ZNF710: variants seen among roughly 807,000 people sequenced by gnomAD.
ZNF710 encodes zinc finger protein 710.
A neutral mutation model predicts 50.6 loss-of-function variants in ZNF710; 13 were observed. The ratio of observed to expected loss-of-function variants is 0.26; its 90% confidence interval spans 0.17 to 0.41. ZNF710 has a LOEUF of 0.41. Among genes scored for constraint, ZNF710 ranks in the 10% least tolerant of loss-of-function variants. ZNF710 has a pLI of 1.00. For synonymous variants in ZNF710, 383 were observed against 397.0 expected (o/e 0.96, Z 0.42); for missense variants, 721 against 936.6 (o/e 0.77, Z 3.01).
rs149483612 is a variant in ZNF710 at position 90,077,941 on chromosome 15, C to T, written c.1826-1719C>T. Reference sequence around the variant, plus strand: ...AAAGAAATGGGGCCAGGCGCAGTGGCTCACGCCTGTAATCCCAGCACTTTG... The same window carrying T: ...AAAGAAATGGGGCCAGGCGCAGTGGTTCACGCCTGTAATCCCAGCACTTTG... On this transcript the variant is annotated intron_variant, in intron 4 of 4. Transcript: ENST00000268154. Among the ~76,000 whole-genome samples, 701 of 151,868 alleles carry T rather than the reference C, an allele frequency of 4.6e-3. 2 individuals carry two copies. Among genetic ancestry groups the T allele is most frequent in the African/African-American group, 0.016 (643 of 41,430 alleles).
In ZNF710 at chr15:90,067,891, A is replaced by G. The variant is rs569362588; in HGVS notation, c.754A>G (p.Ser252Gly). ...ACAGGGCTTCGTGTGGCAGGAGGCCAGTGAGTTCGAGGCTGACACGGCGGG... is the reference window on the plus strand; with the variant it reads ...ACAGGGCTTCGTGTGGCAGGAGGCCGGTGAGTTCGAGGCTGACACGGCGGG... ...PEQGFVWQEA[S>G]EFEADTAGST... is the part of the protein sequence containing the mutation. Residue 252 changes from serine to glycine, a missense_variant, in exon 2 of 5, where the codon AGT becomes GGT. Transcript: ENST00000268154. The surrounding 1 kb of genome is among the most constrained non-coding windows in gnomAD (Gnocchi z 8.1). 5.5e-5 allele frequency: 89 copies of G among 1,612,226 alleles called. 1 individual carries two copies. In the South Asian group the frequency reaches 8.2e-4, roughly 15 times the overall value.
intron 1 of ZNF710, among the ~76,000 whole-genome samples, chr15:90,063,970 G>A (rs960502514): frequency 1.6e-4 from 25 of 152,198 alleles, no homozygotes; most frequent in African/African-American, 5.1e-4. Context: ...GATGTCACAC[G>A]GCTAGTAGAC....
upstream of ZNF710, among the ~76,000 whole-genome samples, chr15:90,000,913 C>A (rs1001569435): frequency 6.6e-6 from 1 of 151,984 alleles, no homozygotes; most frequent in African/African-American, 2.4e-5. Context: ...CAGGGCCGGG[C>A]CCCCCATTTC....
At chr15:90,077,039 G>A (rs1459511120) in intron 4 of ZNF710, among the ~76,000 whole-genome samples, 1 of 152,132 alleles carries the variant, frequency 6.6e-6, no homozygotes, top group East Asian at 1.9e-4. Context: ...CAGGCTTGAT[G>A]CGTATGCAGA....
Position 90,034,591 on chromosome 15 carries a change from G to A in ZNF710, c.-28-32519G>A, listed in dbSNP as rs1899058482. 6.6e-6 allele frequency among the ~76,000 whole-genome samples: 1 copy of A among 151,990 alleles called. No homozygotes were observed. The highest frequency in any genetic ancestry group is 1.5e-5 in the Non-Finnish European group (1 of 67,978). ...CCTGGAGGGCCCTCCCTAGCAGCAG[G>A]GGAAGCCTGGCAGCTTGGCTGAGCC... On this transcript the variant is annotated intron_variant, in intron 1 of 4. Transcript: ENST00000268154. This position sits in a 1 kb window ranked among gnomAD's most constrained non-coding sequence, Gnocchi z 4.0.
chr15:90,057,980 G>C (rs554077326), intron 1 of ZNF710, among the ~76,000 whole-genome samples: 1 of 152,276 alleles, frequency 6.6e-6, no homozygotes, highest in African/African-American at 2.4e-5. Flanking sequence ...AGGGTACTGT[G>C]ACCTCTTAGA....
intron 4 of ZNF710, among the ~76,000 whole-genome samples, chr15:90,078,188 G>C (rs1006873062): frequency 7.0e-6 from 1 of 142,094 alleles, no homozygotes; most frequent in Non-Finnish European, 1.5e-5. Context: ...TCCAGCCTGG[G>C]CAACAAGAGC....
chr15:90,015,971 A>G (rs1246844292), intron 1 of ZNF710, among the ~76,000 whole-genome samples: 3 of 152,336 alleles, frequency 2.0e-5, no homozygotes, highest in Non-Finnish European at 2.9e-5. Context: ...ACCAATGTAC[A>G]CTATGTACCA....
At chr15:90,032,245 G>A (rs542096736) in intron 1 of ZNF710, among the ~76,000 whole-genome samples, 1 of 152,030 alleles carries the variant, frequency 6.6e-6, no homozygotes, top group African/African-American at 2.4e-5. Flanking sequence ...TGATCCTCCC[G>A]CCTCGGTCTC....
chr15:90,050,752 C>T (rs752038603), intron 1 of ZNF710, among the ~76,000 whole-genome samples: 3 of 151,680 alleles, frequency 2.0e-5, no homozygotes, highest in African/African-American at 4.9e-5. Flanking sequence ...AAGAACATTC[C>T]TGATACCTTA....
At position 90,009,839 on chromosome 15, in the gene ZNF710, C is replaced by A. The variant is rs553108980; in HGVS notation, c.-29+8225C>A. 4.6e-5 allele frequency among the ~76,000 whole-genome samples: 7 copies of A among 152,232 alleles called. No homozygotes were observed. In the East Asian group the frequency reaches 1.2e-3, roughly 25 times the overall value. Reference sequence around the variant, plus strand: ...GGAGCGTTTCAGCCCAGCCCACTCTCACTCCAGCTGGCTCTCCTAGAGGTC... The same window carrying A: ...GGAGCGTTTCAGCCCAGCCCACTCTAACTCCAGCTGGCTCTCCTAGAGGTC... On this transcript the variant is annotated intron_variant, in intron 1 of 4. Coordinates refer to ENST00000268154, the MANE Select transcript of ZNF710 (RefSeq NM_198526.4).
intron 1 of ZNF710, among the ~76,000 whole-genome samples, chr15:90,026,168 T>A (rs1343934084): frequency 6.6e-6 from 1 of 151,590 alleles, no homozygotes; most frequent in Non-Finnish European, 1.5e-5. Context: ...AAGAGCTGAT[T>A]CTGTTTTTAA....
intron 1 of ZNF710, among the ~76,000 whole-genome samples, chr15:90,009,258 C>A (rs1295159765): frequency 6.6e-6 from 1 of 151,836 alleles, no homozygotes; most frequent in South Asian, 2.1e-4. Context: ...AGAATGTCCT[C>A]GCAAGGACCA....
At chr15:90,003,091 G>T (rs1185974874) in intron 1 of ZNF710, among the ~76,000 whole-genome samples, 4 of 152,158 alleles carry the variant, frequency 2.6e-5, no homozygotes, top group African/African-American at 9.7e-5. Context: ...GGCCAGGCTG[G>T]TCTCAAACTC....
intron 2 of ZNF710, among the ~76,000 whole-genome samples, chr15:90,070,412 C>T (rs1422675819): frequency 6.7e-6 from 1 of 149,610 alleles, no homozygotes; most frequent in Non-Finnish European, 1.5e-5. Context: ...CAATGGCTAA[C>T]AGTAATCCCA....
Position 90,034,578 on chromosome 15 carries a change from T to C in ZNF710, c.-28-32532T>C, listed in dbSNP as rs1208703697. 6.6e-6 allele frequency among the ~76,000 whole-genome samples: 1 copy of C among 151,882 alleles called. No homozygotes were observed. The highest frequency in any genetic ancestry group is 2.4e-5 in the African/African-American group (1 of 41,420). On this transcript the variant is annotated intron_variant, in intron 1 of 4. Transcript: ENST00000268154. This position sits in a 1 kb window ranked among gnomAD's most constrained non-coding sequence, Gnocchi z 4.0. ...GATTAACTCAGTTCCTGGAGGGCCC[T>C]CCCTAGCAGCAGGGGAAGCCTGGCA...
At chr15:90,064,477 G>C (rs186045994) in intron 1 of ZNF710, among the ~76,000 whole-genome samples, 1 of 152,336 alleles carries the variant, frequency 6.6e-6, no homozygotes, top group Admixed American at 6.5e-5. Flanking sequence ...GATCTGGGCA[G>C]ATAATAATGG....
In ZNF710 at chr15:90,067,947, G is replaced by C. The variant is rs758707234; in HGVS notation, c.810G>C (p.Gln270His). ...GSTVERHKKA[Q>H]LDRLDINVQI... The stretch of plus-strand genomic sequence containing the variant: ...CCGTGGAACGCCACAAGAAGGCCCA[G>C]CTGGATCGGCTGGACATCAACGTGC... Residue 270 changes from glutamine (Q) to histidine (H), a missense_variant, in exon 2 of 5, where the codon CAG (glutamine) becomes CAC (histidine). Transcript: ENST00000268154. The surrounding 1 kb of genome is among the most constrained non-coding windows in gnomAD (Gnocchi z 8.1). The C allele has an allele frequency of 6.2e-7, 1 of 1,614,030 alleles. No homozygotes were observed. The highest frequency in any genetic ancestry group is 1.7e-5 in the Admixed American group (1 of 60,036).
At position 90,040,424 on chromosome 15, in the gene ZNF710, A is replaced by G. The variant is rs1899263108; in HGVS notation, c.-28-26686A>G. Among the ~76,000 whole-genome samples, 1 of 151,272 alleles carries G rather than the reference A, an allele frequency of 6.6e-6. No individual in the cohort carries two copies. On this transcript the variant is annotated intron_variant, in intron 1 of 4. Coordinates refer to ENST00000268154, the MANE Select transcript of ZNF710 (RefSeq NM_198526.4). This position sits in a 1 kb window ranked among gnomAD's most constrained non-coding sequence, Gnocchi z 4.6. ...AAGCCCTCCAGCCTCTTCCACCCAA[A>G]TGTGTCACCTTGGGCAGCAGCTCCC... is the stretch of plus-strand genomic sequence containing the variant.
Sources: allele counts gnomAD v4.1 joint callset (sites outside exome capture counted in the v4.1 genomes callset), GRCh38; gene constraint gnomAD v4.1.1; non-coding constraint Gnocchi (gnomAD v3.1); transcripts MANE v1.5; gene names NCBI Gene and HGNC (gene_info 2026-07-23, HGNC 2026-07-21).